The following POU6F2 variants were observed in gnomAD, a reference collection of about 807,000 sequenced individuals.
POU6F2 encodes POU class 6 homeobox 2, also known as POU domain, class 6, transcription factor 2.
POU6F2 carries 31 observed loss-of-function variants against 71.3 expected under a neutral mutation model. That is an observed-to-expected ratio of 0.43 (90% CI 0.33 to 0.59). POU6F2 has a LOEUF of 0.59. Among genes scored for constraint, POU6F2 ranks in the 20% least tolerant of loss-of-function variants. POU6F2 has a pLI of 0.04. For missense variants in POU6F2, 783 were observed against 856.8 expected (o/e 0.91, Z 1.07); for synonymous variants, 347 against 355.7 (o/e 0.98, Z 0.27).
At chr7:39,271,252 G>A (rs1214766103) in intron 4 of POU6F2, among the ~76,000 whole-genome samples, 1 of 152,228 alleles carries the variant, frequency 6.6e-6, no homozygotes, top group Middle Eastern at 3.4e-3. Flanking sequence ...AGTTTTATTG[G>A]AACCCAGTCT....
At chr7:39,230,624 C>T (rs1794556898) in intron 4 of POU6F2, among the ~76,000 whole-genome samples, 1 of 152,140 alleles carries the variant, frequency 6.6e-6, no homozygotes, top group Non-Finnish European at 1.5e-5. Flanking sequence ...ACGTCTCCTT[C>T]CCATAGCAAT....
intron 4 of POU6F2, among the ~76,000 whole-genome samples, chr7:39,331,908 C>G (rs188643003): frequency 6.6e-6 from 1 of 152,164 alleles, no homozygotes; most frequent in Non-Finnish European, 1.5e-5. Context: ...TCTCATAAAA[C>G]CATGCATTTG....
intron 2 of POU6F2, among the ~76,000 whole-genome samples, chr7:39,167,786 A>G (rs551540794): frequency 6.6e-6 from 1 of 151,836 alleles, no homozygotes; most frequent in East Asian, 1.9e-4. Flanking sequence ...TCTAAATATT[A>G]TATATATAGA....
intron 1 of POU6F2, among the ~76,000 whole-genome samples, chr7:39,081,459 A>G (rs891691707): frequency 3.8e-4 from 58 of 152,204 alleles, no homozygotes; most frequent in African/African-American, 1.3e-3. Flanking sequence ...GAACTCTTTC[A>G]TTGTAGAGTA....
chr7:39,291,228 A>ACT (rs1784750145), intron 4 of POU6F2, among the ~76,000 whole-genome samples: 1 of 152,244 alleles, frequency 6.6e-6, no homozygotes, highest in Non-Finnish European at 1.5e-5. Flanking sequence ...GAATAATTAA[A>ACT]CATGAGCTAA....
chr7:39,198,884 T>C (rs775204379), intron 2 of POU6F2, among the ~76,000 whole-genome samples: 24 of 152,230 alleles, frequency 1.6e-4, no homozygotes, highest in Admixed American at 5.9e-4. Flanking sequence ...GAGGGGACTT[T>C]TGCTCTGCTT....
intron 1 of POU6F2, among the ~76,000 whole-genome samples, chr7:39,079,991 G>A (rs764766619): frequency 6.6e-6 from 1 of 151,996 alleles, no homozygotes; most frequent in Non-Finnish European, 1.5e-5. Flanking sequence ...ATCCGTTGTG[G>A]GTGAATTTAT....
At chr7:38,986,614 G>C (rs563163828) in intron 1 of POU6F2, among the ~76,000 whole-genome samples, 1 of 152,246 alleles carries the variant, frequency 6.6e-6, no homozygotes, top group South Asian at 2.1e-4. Flanking sequence ...GCACGTGATT[G>C]AAGTGAGTTA....
intron 6 of POU6F2, among the ~76,000 whole-genome samples, chr7:39,428,035 A>C (rs1788014658): frequency 6.6e-6 from 1 of 152,228 alleles, no homozygotes. Flanking sequence ...GGATAACCTC[A>C]TGACCCAAAG....
rs558472031 is a variant in POU6F2 at position 39,001,627 on chromosome 7, C to T, written c.105+23569C>T. ...GGTTGCATGGTCAACCTGTTGACCA[C>T]GGCTGGTGCTGCCATGGGAGAAATG... On this transcript the variant is annotated intron_variant, in intron 1 of 9. Transcript: ENST00000518318. Among the ~76,000 whole-genome samples the T allele has an allele frequency of 8.6e-5, 13 of 151,944 alleles. No individual in the cohort carries two copies. In the East Asian group the frequency reaches 2.1e-3, roughly 25 times the overall value.
rs973306326 is a variant in POU6F2 at position 38,994,029 on chromosome 7, C to T, written c.105+15971C>T. On this transcript the variant is annotated intron_variant, in intron 1 of 9. Coordinates refer to ENST00000518318, the MANE Select transcript of POU6F2 (RefSeq NM_001370959.1). ...AAAAAGTCTGAGGCTAATAAAAAGG[C>T]GAACCCGTCAATTTTGTTAGTGCCA... is the stretch of plus-strand genomic sequence containing the variant. Among the ~76,000 whole-genome samples the T allele has an allele frequency of 4.6e-5, 7 of 152,118 alleles. No individual in the cohort carries two copies. In the East Asian group the frequency reaches 5.8e-4, roughly 13 times the overall value.
chr7:39,299,953 G>T (rs1784923732), intron 4 of POU6F2, among the ~76,000 whole-genome samples: 1 of 152,204 alleles, frequency 6.6e-6, no homozygotes, highest in Admixed American at 6.5e-5. Context: ...AGGAGGCAGA[G>T]ACTCCTTCTC....
At chr7:39,032,241 A>G (rs760971711) in intron 1 of POU6F2, among the ~76,000 whole-genome samples, 12 of 152,194 alleles carry the variant, frequency 7.9e-5, no homozygotes, top group Non-Finnish European at 1.8e-4. Flanking sequence ...AAACATCACA[A>G]AAACCAAATG....
chr7:39,014,976 G>A (rs901530485), intron 1 of POU6F2, among the ~76,000 whole-genome samples: 5 of 152,006 alleles, frequency 3.3e-5, no homozygotes, highest in Non-Finnish European at 7.4e-5. Flanking sequence ...TTGGGCAGAA[G>A]GATGGTACAC....
At chr7:39,274,316 C>T (rs1320140458) in intron 4 of POU6F2, among the ~76,000 whole-genome samples, 2 of 152,118 alleles carry the variant, frequency 1.3e-5, no homozygotes, top group African/African-American at 2.4e-5. Flanking sequence ...TGGATAAATT[C>T]CTCAACACAT....
At chr7:39,333,423 T>C (rs1265314235) in intron 4 of POU6F2, among the ~76,000 whole-genome samples, 3 of 152,080 alleles carry the variant, frequency 2.0e-5, no homozygotes, top group Non-Finnish European at 4.4e-5. Flanking sequence ...TTTTTTCTAA[T>C]GGCAGAACAA....
chr7:39,088,315 G>A (rs1197964103), intron 2 of POU6F2, among the ~76,000 whole-genome samples: 1 of 152,082 alleles, frequency 6.6e-6, no homozygotes, highest in Non-Finnish European at 1.5e-5. Flanking sequence ...GGCCTGTTTT[G>A]CTCTTACTTT....
intron 1 of POU6F2, among the ~76,000 whole-genome samples, chr7:39,081,556 G>T (rs886400363): frequency 6.6e-6 from 1 of 152,180 alleles, no homozygotes; most frequent in Non-Finnish European, 1.5e-5. Flanking sequence ...GAAAACCAAG[G>T]CCAAAGGTGG....
At position 39,207,995 on chromosome 7, in the gene POU6F2, A is replaced by T. The variant is rs551680424; in HGVS notation, c.598+375A>T. 2.6e-5 allele frequency among the ~76,000 whole-genome samples: 4 copies of T among 152,318 alleles called. No homozygotes were observed. The South Asian group carries it at 8.3e-4, about 32-fold the overall frequency. On this transcript the variant is annotated intron_variant, in intron 4 of 9. Transcript: ENST00000518318. ...TTAGCCATGGGTAAAGAAAAGTTAG[A>T]GGTTGCTTTTTTGTGTTTGAAGTGA... is the stretch of plus-strand genomic sequence containing the variant.
Sources: allele counts gnomAD v4.1 joint callset (sites outside exome capture counted in the v4.1 genomes callset), GRCh38; gene constraint gnomAD v4.1.1; transcripts MANE v1.5; gene names NCBI Gene and HGNC (gene_info 2026-07-23, HGNC 2026-07-21).